NEB: variants seen among roughly 807,000 people sequenced by gnomAD.
NEB encodes the protein nebulin.
NEB carries 512 observed loss-of-function variants against 952.2 expected under a neutral mutation model. The ratio of observed to expected loss-of-function variants is 0.54; its 90% CI spans 0.50 to 0.58. The LOEUF (loss-of-function observed/expected upper bound fraction) is 0.58, where lower values mean the gene tolerates loss of function less well. Ranked by LOEUF, NEB falls within the 20% of genes least tolerant of loss-of-function variation. The pLI, the probability that NEB is intolerant of heterozygous loss-of-function variation, is 0.00. For missense variants in NEB, 8,428 were observed against 9,231.1 expected (o/e 0.91, Z 3.56); for synonymous variants, 2,900 against 3,149.8 (o/e 0.92, Z 2.66).
chr2:151,725,385 G>T, intron 6 of NEB, 68 bp downstream of exon 6: 1 of 1,263,440 alleles, frequency 7.9e-7, no homozygotes. Context: ...CATATTTAGA[G>T]CCCACAATTC....
Position 151,506,919 on chromosome 2 carries a change from T to G in NEB, c.23546A>C (p.Asn7849Thr). Residue 7849 changes from asparagine to threonine, a missense_variant, in exon 163 of 182, where the codon AAT (asparagine) becomes ACT (threonine). By Grantham distance (65) the Asn-to-Thr change is moderately conservative. Around this residue, in one of 11 missense-constraint regions of NEB, gnomAD observed 3,374 missense variants for 3,651.5 expected, o/e 0.92. Coordinates refer to ENST00000397345, the MANE Select transcript of NEB (RefSeq NM_001164508.2). Reference sequence around the variant, plus strand: ...AAATAGTAAATATACCGAGCTGAAATTCTTCTGATTTTCTTTTACACGCAG... The same window carrying G: ...AAATAGTAAATATACCGAGCTGAAAGTCTTCTGATTTTCTTTTACACGCAG... ...EILRVKENQK[N>T]FSSVLYKEDV... The G allele has an allele frequency of 6.3e-7, 1 of 1,598,494 alleles. No homozygotes were observed. The highest frequency in any genetic ancestry group is 1.7e-5 in the Admixed American group (1 of 59,862).
At position 151,611,018 on chromosome 2, in the gene NEB, A is replaced by G. The variant is rs1398330177; in HGVS notation, c.11806-152T>C. 2.0e-5 allele frequency among the ~76,000 whole-genome samples: 3 copies of G among 152,252 alleles called. No individual in the cohort carries two copies. In the East Asian group the frequency reaches 5.8e-4, roughly 29 times the overall value. On this transcript the variant is annotated intron_variant, in intron 78 of 181. Coordinates refer to ENST00000397345, the MANE Select transcript of NEB (RefSeq NM_001164508.2). ...AATGCTTTTGGGAGGTGAGGGAAGC[A>G]AAAGAGTCATGGGGAAAGTAAAACA...
At position 151,490,404 on chromosome 2, in the gene NEB, T is replaced by C. The variant is rs1309629763; in HGVS notation, c.25265A>G (p.Tyr8422Cys). The C allele has an allele frequency of 6.3e-7, 1 of 1,595,618 alleles. No individual in the cohort carries two copies. Among genetic ancestry groups the C allele is most frequent in the Non-Finnish European group, 8.5e-7 (1 of 1,170,388 alleles). The change falls in exon 180 of 182, where the codon TAC becomes TGC. Residue 8422 changes from tyrosine to cysteine, a missense_variant. Tyr to Cys is a radical substitution (Grantham distance 194). Coordinates refer to ENST00000397345, the MANE Select transcript of NEB (RefSeq NM_001164508.2). ...GACTGCAAAGACACCCCCGTCGCTG[T>C]AAGTCGAAAGGTGGTGGTCTGGTGC... Reference protein sequence around the residue: ...SEAPDHHLSTYSDGGVFAVST... With the variant: ...SEAPDHHLSTCSDGGVFAVST...
intron 81 of NEB, among the ~76,000 whole-genome samples, chr2:151,609,341 G>A (rs1200388053): frequency 2.0e-5 from 3 of 152,044 alleles, no homozygotes; most frequent in African/African-American, 4.8e-5. Flanking sequence ...ATGATTGAGG[G>A]TTTTTAATAT....
At chr2:151,541,337 G>A (rs768928356) in intron 136 of NEB, 110 bp downstream of exon 136, 83 of 720,102 alleles carry the variant, frequency 1.2e-4, no homozygotes, top group Non-Finnish European at 1.8e-4. Flanking sequence ...GCATGAGGTT[G>A]CAGCCAGGAC....
chr2:151,539,149 T>C (rs1273085625), intron 138 of NEB, among the ~76,000 whole-genome samples: 1 of 152,198 alleles, frequency 6.6e-6, no homozygotes, highest in Non-Finnish European at 1.5e-5. Context: ...CAGTGGGGCA[T>C]GATGAATCCC....
At chr2:151,651,560 A>C (rs564255340) in intron 52 of NEB, among the ~76,000 whole-genome samples, 1 of 152,198 alleles carries the variant, frequency 6.6e-6, no homozygotes, top group African/African-American at 2.4e-5. Context: ...TTAGATTAGG[A>C]AGAAAATTCC....
chr2:151,495,611 G>A (rs1047435366), intron 173 of NEB, among the ~76,000 whole-genome samples: 1 of 152,136 alleles, frequency 6.6e-6, no homozygotes, highest in Non-Finnish European at 1.5e-5. Flanking sequence ...CAGAGCACAA[G>A]CTTACGGGAA....
At chr2:151,497,537 A>G (rs2061048960) in intron 171 of NEB, 89 bp downstream of exon 171, 1 of 1,503,478 alleles carries the variant, frequency 6.7e-7, no homozygotes, top group Middle Eastern at 1.8e-4. Context: ...AGTTGTCTTT[A>G]AAAAGTAGGA....
chr2:151,636,359 G>T (rs779811751), intron 63 of NEB, 25 bp from the exon 64 acceptor site: 14 of 1,548,444 alleles, frequency 9.0e-6, no homozygotes, highest in Admixed American at 1.8e-5. Context: ...AAAAAAATCA[G>T]ATGCTGACAT....
In NEB at chr2:151,525,186, C is replaced by G. The variant is rs1442715795; in HGVS notation, c.22249G>C (p.Glu7417Gln). The change falls in exon 151 of 182, where the codon GAA becomes CAA. Residue 7417 changes from glutamate to glutamine, a missense_variant. By Grantham distance (29) the Glu-to-Gln change is conservative (BLOSUM62 2). This residue lies in a region of NEB where 3,374 missense variants were observed against 3,651.5 expected (regional missense o/e 0.92). Coordinates refer to ENST00000397345, the MANE Select transcript of NEB (RefSeq NM_001164508.2). The part of the protein sequence containing the change: ...LEPPEVKHAM[E>Q]VAKKQSDVAY... ...ACATCACTTTGCTTCTTGGCCACTT[C>G]CATAGCATGTTTCACCTCTGGTGGC... is the stretch of plus-strand genomic sequence containing the variant. The G allele has an allele frequency of 1.2e-6, 2 of 1,613,836 alleles. No individual in the cohort carries two copies. The highest frequency in any genetic ancestry group is 2.2e-5 in the South Asian group (2 of 91,072).
At chr2:151,544,876 T>A (rs1192527299) in intron 135 of NEB, among the ~76,000 whole-genome samples, 1 of 152,216 alleles carries the variant, frequency 6.6e-6, no homozygotes. Context: ...CACAAACTGA[T>A]GAATGGAGCT....
In NEB at chr2:151,531,041, T is replaced by C; in HGVS notation, c.21583A>G (p.Thr7195Ala). The part of the protein sequence containing the change: ...KPRGYTTIHD[T>A]PMLLHVRKVK... Reference sequence around the variant, plus strand: ...TTGCGGACATGCAGCAACATGGGTGTGTCGTGGATTGTGGTGTAGCCTCTG... The same window carrying C: ...TTGCGGACATGCAGCAACATGGGTGCGTCGTGGATTGTGGTGTAGCCTCTG... The change falls in exon 145 of 182, where the codon ACA becomes GCA. Residue 7195 changes from threonine to alanine, a missense_variant. This residue lies in a region of NEB where 3,374 missense variants were observed against 3,651.5 expected (regional missense o/e 0.92). Transcript: ENST00000397345. 1.9e-6 allele frequency: 3 copies of C among 1,613,564 alleles called. No homozygotes were observed. Among genetic ancestry groups the C allele is most frequent in the Non-Finnish European group, 2.5e-6 (3 of 1,179,664 alleles).
At position 151,546,000 on chromosome 2, in the gene NEB, T is replaced by TCA; in HGVS notation, c.20467-3_20467-2insTG. On this transcript the variant is annotated splice_polypyrimidine_tract_variant and splice_region_variant and intron_variant, in intron 134 of 181. Transcript: ENST00000397345. ...CTTATCAGTGTATAGGTAATTAGAC[T>TCA]TAAAAAAAAAAAAAAAAACAGAAAT... 2.0e-6 allele frequency: 2 copies of TCA among 1,011,360 alleles called. No individual in the cohort carries two copies. Among genetic ancestry groups the TCA allele is most frequent in the Non-Finnish European group, 2.8e-6 (2 of 713,282 alleles). The allele number at this position is 1,011,360 out of a possible 1,614,324, so 62.6% of individuals were successfully genotyped here. A position where few individuals can be genotyped will look rare whatever the true frequency, so the allele number is the denominator to read the frequency against.
At position 151,490,529 on chromosome 2, in the gene NEB, T is replaced by A; in HGVS notation, c.25151-11A>T. 2 of 1,607,306 alleles carry A rather than the reference T, an allele frequency of 1.2e-6. No individual in the cohort carries two copies. Among genetic ancestry groups the A allele is most frequent in the Non-Finnish European group, 1.7e-6 (2 of 1,176,814 alleles). The stretch of plus-strand genomic sequence containing the variant: ...GGCGCTGAGCTTGGACTGGGAGAGA[T>A]GCAGTTGGGGGAGATGTAGCAAACA... On this transcript the variant is annotated splice_polypyrimidine_tract_variant and intron_variant, in intron 179 of 181. Coordinates refer to ENST00000397345, the MANE Select transcript of NEB (RefSeq NM_001164508.2).
chr2:151,486,063 C>A, intron 181 of NEB, 130 bp from the exon 182 acceptor site: 1 of 933,738 alleles, frequency 1.1e-6, no homozygotes, highest in Non-Finnish European at 1.6e-6. Context: ...GTGCAAGCAT[C>A]AACAAAGTAA....
At chr2:151,543,205 A>G (rs2094296121) in intron 135 of NEB, among the ~76,000 whole-genome samples, 1 of 152,238 alleles carries the variant, frequency 6.6e-6, no homozygotes, top group Non-Finnish European at 1.5e-5. Flanking sequence ...TAAATGTTGA[A>G]GGAATTTAAT....
intron 145 of NEB, among the ~76,000 whole-genome samples, chr2:151,530,190 C>T (rs1441557380): frequency 6.6e-6 from 1 of 152,050 alleles, no homozygotes; most frequent in Non-Finnish European, 1.5e-5. Context: ...AATCATTCTG[C>T]CTTTTAAAAA....
chr2:151,729,894 A>T (rs2099801624), intron 3 of NEB, among the ~76,000 whole-genome samples: 1 of 152,210 alleles, frequency 6.6e-6, no homozygotes, highest in South Asian at 2.1e-4. Context: ...GCTGAGAAAA[A>T]TGTATGAGGC....
Sources: allele counts gnomAD v4.1 joint callset (sites outside exome capture counted in the v4.1 genomes callset), GRCh38; gene constraint gnomAD v4.1.1; regional missense constraint gnomAD v4.1.1; transcripts MANE v1.5; gene names NCBI Gene and HGNC (gene_info 2026-07-23, HGNC 2026-07-21).